Variants in KRI1 observed in about 807,000 individuals in gnomAD.
KRI1 encodes protein KRI1 homolog.
In KRI1, 83 loss-of-function variants were observed where a neutral mutation model predicts 97.0. The observed-to-expected ratio is 0.86, with a 90% confidence interval of 0.72 to 1.03. The LOEUF (loss-of-function observed/expected upper bound fraction) is 1.03, where lower values mean the gene tolerates loss of function less well. KRI1 is among the 50% of genes least tolerant of loss of function. The probability of loss-of-function intolerance (pLI) is 0.00; values close to 1 mark genes in which losing one functional copy is unlikely to be tolerated. For missense variants in KRI1, 916 were observed against 928.4 expected (o/e 0.99, Z 0.17); for synonymous variants, 371 against 363.5 (o/e 1.02, Z -0.23).
intron 3 of KRI1, among the ~76,000 whole-genome samples, chr19:10,563,960 A>G (rs1301012227): frequency 2.0e-5 from 3 of 151,216 alleles, no homozygotes; most frequent in Non-Finnish European, 4.4e-5. Context: ...CCTGGCTAAC[A>G]TGGTGAAACC....
intron 16 of KRI1, 85 bp downstream of exon 16, chr19:10,557,467 A>C: frequency 4.9e-6 from 7 of 1,416,798 alleles, no homozygotes; most frequent in Non-Finnish European, 6.8e-6. Flanking sequence ...TCTGAGCAAC[A>C]GAGATTGGGA....
In KRI1 at chr19:10,565,820, C is replaced by G. The variant is rs763525881; in HGVS notation, c.95-30G>C. ...GGGACACAGACGGGATGCCCCCCCC[C>G]AGGTCAGCCGGCGGGGCCACTCGAC... is the stretch of plus-strand genomic sequence containing the variant. On this transcript the variant is annotated intron_variant, in intron 1 of 18. Coordinates refer to ENST00000312962, the MANE Select transcript of KRI1 (RefSeq NM_023008.5). The G allele has an allele frequency of 1.5e-5, 23 of 1,551,470 alleles. No homozygotes were observed. The East Asian group carries it at 4.6e-4, about 31-fold the overall frequency.
At chr19:10,565,385 G>A (rs1412066721) in intron 2 of KRI1, 9 of 510,896 alleles carry the variant, frequency 1.8e-5, no homozygotes, top group Admixed American at 3.8e-5. Flanking sequence ...GATGTGAGAA[G>A]TTGGGCGCCC....
intron 1 of KRI1, 57 bp downstream of exon 1, chr19:10,565,849 C>T: frequency 6.5e-7 from 1 of 1,543,426 alleles, no homozygotes; most frequent in Admixed American, 2.0e-5. Flanking sequence ...ACTCGACTCC[C>T]CACTTCCCAA....
chr19:10,561,596 G>T, intron 6 of KRI1, 71 bp downstream of exon 6: 1 of 1,438,198 alleles, frequency 7.0e-7, no homozygotes, highest in Non-Finnish European at 9.8e-7. Flanking sequence ...AGCTCAATTT[G>T]AACCCGTGCC....
intron 12 of KRI1, 25 bp downstream of exon 12, chr19:10,559,334 T>C (rs756132921): frequency 3.5e-5 from 56 of 1,605,926 alleles, no homozygotes; most frequent in South Asian, 1.2e-4. Flanking sequence ...CTCAGCGTCA[T>C]GTTGGGCCGG....
At chr19:10,564,778 G>A (rs952601466) in intron 3 of KRI1, 151 bp downstream of exon 3, 7 of 682,410 alleles carry the variant, frequency 1.0e-5, no homozygotes, top group Non-Finnish European at 1.8e-5. Context: ...CCTTAAAACA[G>A]CCCTGAGGGG....
chr19:10,553,400 A>G lies in KRI1; in HGVS notation c.*551T>C, dbSNP rs1157189123. On this transcript the variant is annotated 3_prime_UTR_variant, in exon 19 of 19. Coordinates refer to ENST00000312962, the MANE Select transcript of KRI1 (RefSeq NM_023008.5). ...GGGGAACTGTGGCTGCTGGGGGCCA[A>G]TAAAGCTGTGTAACTTGATCGTGGG... 1.2e-5 allele frequency: 3 copies of G among 257,988 alleles called. No homozygotes were observed. Among genetic ancestry groups the G allele is most frequent in the Admixed American group, 4.8e-5 (1 of 20,992 alleles). 16.0% of individuals were successfully genotyped at this position (257,988 alleles called of 1,614,324 possible). A position where few individuals can be genotyped will look rare whatever the true frequency, so the allele number is the denominator to read the frequency against.
Position 10,555,344 on chromosome 19 carries a change from G to A in KRI1, c.1623C>T (p.Leu541=), listed in dbSNP as rs372968296. The change falls in exon 17 of 19, where the codon CTC becomes CTT. Residue 541 remains leucine (L), a synonymous_variant. Transcript: ENST00000312962. ...CDFGLSTEEI[L]AADDKELNRW... ...GGTTCAGCTCCTTATCGTCAGCAGC[G>A]AGGATCTGCGTGGGAAGGGAGAGTG... 9.3e-6 allele frequency: 15 copies of A among 1,608,592 alleles called. No individual in the cohort carries two copies. Among genetic ancestry groups the A allele is most frequent in the East Asian group, 6.8e-5 (3 of 44,386 alleles).
intron 2 of KRI1, 64 bp from the exon 3 acceptor site, chr19:10,565,098 C>T (rs1916822210): frequency 9.5e-7 from 1 of 1,056,752 alleles, no homozygotes; most frequent in East Asian, 2.4e-5. Context: ...CTGGCGCCAG[C>T]AGGTGAGCTC....
chr19:10,561,115 C>G, intron 7 of KRI1, 35 bp from the exon 8 acceptor site: 1 of 1,612,598 alleles, frequency 6.2e-7, no homozygotes, highest in Non-Finnish European at 8.5e-7. Context: ...TCCGCAGATG[C>G]CCAGCCACCC....
rs1433282280 is a variant in KRI1 at position 10,562,847 on chromosome 19, C to A, written c.275-10G>T. ...CTGTCTGATGACGATGCTGTTAACC[C>A]ACCAAAGACACCTGCCATCACCCAC... On this transcript the variant is annotated splice_polypyrimidine_tract_variant and intron_variant, in intron 3 of 18. Coordinates refer to ENST00000312962, the MANE Select transcript of KRI1 (RefSeq NM_023008.5). 43 of 1,492,408 alleles carry A rather than the reference C, an allele frequency of 2.9e-5. No individual in the cohort carries two copies. The highest frequency in any genetic ancestry group is 3.8e-5 in the Non-Finnish European group (41 of 1,069,052). The allele number at this position is 1,492,408 out of a possible 1,614,324, so 92.4% of individuals were successfully genotyped here. A position where few individuals can be genotyped will look rare whatever the true frequency, so the allele number is the denominator to read the frequency against.
chr19:10,565,133 G>C (rs1916823280), intron 2 of KRI1, 99 bp from the exon 3 acceptor site: 1 of 800,478 alleles, frequency 1.2e-6, no homozygotes, highest in South Asian at 1.4e-5. Flanking sequence ...GATGGAGGGG[G>C]GTGGATCTGG....
rs763958809 is a variant in KRI1 at position 10,553,991 on chromosome 19, C to T, written c.2072G>A (p.Arg691Gln). 16 of 1,612,070 alleles carry T rather than the reference C, an allele frequency of 9.9e-6. No homozygotes were observed. Among genetic ancestry groups the T allele is most frequent in the East Asian group, 4.5e-5 (2 of 44,866 alleles). ...PKRLHFRQLG[R>Q]QRRKQQGPKN... ...GGGCCCCTGTTGTTTCCTCCGCTGC[C>T]GGCCCAGCTGGCGGAAGTGCAGCCG... The change falls in exon 19 of 19, where the codon CGG becomes CAG. Residue 691 changes from arginine to glutamine, a missense_variant. Transcript: ENST00000312962.
At chr19:10,565,378 G>A in intron 2 of KRI1, 3 of 517,384 alleles carry the variant, frequency 5.8e-6, no homozygotes, top group East Asian at 3.5e-5. Flanking sequence ...CAGGGCTGAT[G>A]TGAGAAGTTG....
chr19:10,560,283 C>A, intron 9 of KRI1, 29 bp downstream of exon 9: 1 of 1,568,220 alleles, frequency 6.4e-7, no homozygotes, highest in African/African-American at 1.3e-5. Flanking sequence ...CACCCAAAAT[C>A]TAGGTCCTGG....
intron 16 of KRI1, among the ~76,000 whole-genome samples, chr19:10,556,570 G>A (rs941258914): frequency 6.6e-6 from 1 of 152,030 alleles, no homozygotes; most frequent in Non-Finnish European, 1.5e-5. Flanking sequence ...GGGAGGCTAA[G>A]GCAGGAGAAT....
At chr19:10,560,168 G>C in intron 9 of KRI1, 144 bp downstream of exon 9, 1 of 1,377,862 alleles carries the variant, frequency 7.3e-7, no homozygotes, top group Non-Finnish European at 9.6e-7. Flanking sequence ...ATACTCTGTG[G>C]CTCTGCCTTA....
chr19:10,562,195 G>A (rs899121100), intron 4 of KRI1, among the ~76,000 whole-genome samples: 11 of 150,288 alleles, frequency 7.3e-5, no homozygotes, highest in Non-Finnish European at 1.5e-4. Context: ...GACTACAGGC[G>A]CCCACCACCA....
Sources: gnomAD v4.1 joint callset for allele counts (sites outside exome capture counted in the v4.1 genomes callset) on GRCh38, gnomAD v4.1.1 for gene constraint, MANE v1.5 for transcripts, NCBI Gene and HGNC (gene_info 2026-07-23, HGNC 2026-07-21) for gene names.